The following TENM2 variants were observed in gnomAD, a reference collection of about 807,000 sequenced individuals.
TENM2 encodes teneurin-2.
Under a neutral mutation model 245.2 loss-of-function variants are expected in TENM2, and 52 were observed. That is an observed-to-expected ratio of 0.21 (90% CI 0.17 to 0.27). The LOEUF (loss-of-function observed/expected upper bound fraction) is 0.27, where lower values mean the gene tolerates loss of function less well. TENM2 is among the 10% of genes least tolerant of loss of function. The pLI is 1.00. For synonymous variants in TENM2, 1,363 were observed against 1,438.9 expected (o/e 0.95, Z 1.19); for missense variants, 3,046 against 3,666.8 (o/e 0.83, Z 4.37).
chr5:167,667,495 G>A (rs890263190), intron 2 of TENM2, among the ~76,000 whole-genome samples: 5 of 152,134 alleles, frequency 3.3e-5, no homozygotes, highest in Admixed American at 6.5e-5. Flanking sequence ...AATCAACCAA[G>A]TGCATGGAAT....
At chr5:168,048,392 A>G (rs944945473) in intron 6 of TENM2, among the ~76,000 whole-genome samples, 1 of 152,334 alleles carries the variant, frequency 6.6e-6, no homozygotes, top group Non-Finnish European at 1.5e-5. Context: ...GCCTTTTAGC[A>G]TCTATAGCCA....
At chr5:168,007,699 C>T (rs902753952) in intron 5 of TENM2, among the ~76,000 whole-genome samples, 1 of 152,192 alleles carries the variant, frequency 6.6e-6, no homozygotes, top group Non-Finnish European at 1.5e-5. Context: ...AAAATATCTA[C>T]TTCAAGGATG....
chr5:168,145,136 T>C (rs1755934410), intron 12 of TENM2, among the ~76,000 whole-genome samples: 1 of 145,154 alleles, frequency 6.9e-6, no homozygotes, highest in African/African-American at 2.5e-5. Context: ...AGGTTGCCTG[T>C]TCACTCTGAT....
intron 2 of TENM2, among the ~76,000 whole-genome samples, chr5:167,825,990 T>C (rs541594023): frequency 4.8e-4 from 73 of 152,208 alleles, no homozygotes; most frequent in Non-Finnish European, 9.9e-4. Context: ...TTTTCAGCAC[T>C]TACTCCTTCC....
the TENM2 span, among the ~76,000 whole-genome samples, chr5:167,032,224 T>G: frequency 6.6e-6 from 1 of 152,160 alleles, no homozygotes; most frequent in Non-Finnish European, 1.5e-5. Flanking sequence ...CTCAAAAAAT[T>G]TGCATGCATG....
the TENM2 span, among the ~76,000 whole-genome samples, chr5:167,089,106 C>A: frequency 6.6e-6 from 1 of 152,130 alleles, no homozygotes; most frequent in South Asian, 2.1e-4. Flanking sequence ...TTCTTGTAAA[C>A]TTTTTCAGTC....
chr5:168,162,540 T>C, intron 12 of TENM2, 71 bp from the exon 15 acceptor site: 1 of 1,551,304 alleles, frequency 6.4e-7, no homozygotes, highest in Non-Finnish European at 8.8e-7. Flanking sequence ...TGCTCCCCTC[T>C]GCATGGCTCC....
the TENM2 span, among the ~76,000 whole-genome samples, chr5:167,147,556 C>T: frequency 4.6e-5 from 7 of 152,176 alleles, no homozygotes; most frequent in Non-Finnish European, 1.0e-4. Flanking sequence ...CAAATACCCA[C>T]CTTTCAGATT....
chr5:167,192,894 G>A, the TENM2 span, among the ~76,000 whole-genome samples: 2 of 152,018 alleles, frequency 1.3e-5, no homozygotes, highest in Non-Finnish European at 2.9e-5. Context: ...AGAAAAGAAG[G>A]GAAAAGATAT....
chr5:167,533,336 G>T (rs1370825879), intron 2 of TENM2, among the ~76,000 whole-genome samples: 1 of 152,180 alleles, frequency 6.6e-6, no homozygotes, highest in Non-Finnish European at 1.5e-5. Flanking sequence ...AGTGGTTTTG[G>T]AAAGTTTTAT....
chr5:167,371,228 A>G (rs1760402438), intron 1 of TENM2, among the ~76,000 whole-genome samples: 1 of 151,806 alleles, frequency 6.6e-6, no homozygotes, highest in Non-Finnish European at 1.5e-5. Context: ...AAACTAGATG[A>G]ACAGCTGGTG....
the TENM2 span, among the ~76,000 whole-genome samples, chr5:167,005,745 T>G: frequency 2.1e-5 from 3 of 142,102 alleles, no homozygotes; most frequent in Non-Finnish European, 3.0e-5. Flanking sequence ...CACTGTAAAC[T>G]CTGCCTCCCG....
At chr5:167,727,112 T>C (rs923599054) in intron 2 of TENM2, among the ~76,000 whole-genome samples, 3 of 133,172 alleles carry the variant, frequency 2.3e-5, no homozygotes, top group African/African-American at 5.8e-5. Flanking sequence ...TTCTTTTTTT[T>C]TTTTTTTTTT....
At chr5:167,083,422 G>A in the TENM2 span, among the ~76,000 whole-genome samples, 1 of 152,194 alleles carries the variant, frequency 6.6e-6, no homozygotes, top group East Asian at 1.9e-4. Context: ...TAGTTTTTCT[G>A]GATGAATGAA....
chr5:167,889,466 G>GCACT (rs1039278450), intron 3 of TENM2, among the ~76,000 whole-genome samples: 3 of 152,138 alleles, frequency 2.0e-5, no homozygotes, highest in African/African-American at 7.2e-5. Flanking sequence ...TGGTAATGGA[G>GCACT]CACTCGTTCC....
chr5:167,183,262 C>A, the TENM2 span, among the ~76,000 whole-genome samples: 3 of 152,134 alleles, frequency 2.0e-5, no homozygotes, highest in African/African-American at 7.2e-5. Context: ...CTGACTCCAC[C>A]ACTTACTTGA....
intron 2 of TENM2, among the ~76,000 whole-genome samples, chr5:167,859,396 C>A (rs1238530781): frequency 7.1e-6 from 1 of 141,378 alleles, no homozygotes; most frequent in Non-Finnish European, 1.6e-5. Context: ...GTCAGCCCCC[C>A]GCCCGGCCAG....
chr5:168,193,288 A>C (rs1045793524), intron 14 of TENM2, among the ~76,000 whole-genome samples: 4 of 152,258 alleles, frequency 2.6e-5, no homozygotes, highest in African/African-American at 9.6e-5. Flanking sequence ...AACGAAGGAC[A>C]AAGCTAGGAG....
intron 2 of TENM2, among the ~76,000 whole-genome samples, chr5:167,445,334 T>TAGAGAGAGAGAGAGAGAGAGAG (rs1380778783): frequency 1.6e-4 from 14 of 86,324 alleles, no homozygotes; most frequent in Non-Finnish European, 2.7e-4. Context: ...TATATATATA[T>TAGAGAGAGAGAGAGAGAGAGAG]ATAGAGAGAG....
Sources: gnomAD v4.1 joint callset for allele counts (sites outside exome capture counted in the v4.1 genomes callset) on GRCh38, gnomAD v4.1.1 for gene constraint, MANE v1.5 for transcripts, NCBI Gene and HGNC (gene_info 2026-07-23, HGNC 2026-07-21) for gene names.